The following MYCBP2 variants were observed in gnomAD, a reference collection of about 807,000 sequenced individuals.
MYCBP2 encodes the protein MYC binding protein 2, also known as E3 ubiquitin-protein ligase MYCBP2.
A neutral mutation model predicts 525.3 loss-of-function variants in MYCBP2; 120 were observed. The observed-to-expected ratio is 0.23, with a 90% CI of 0.20 to 0.27. MYCBP2 has a LOEUF of 0.27. MYCBP2 is among the 10% of genes least tolerant of loss of function. The probability of loss-of-function intolerance (pLI) is 1.00; values close to 1 mark genes in which losing one functional copy is unlikely to be tolerated. For missense variants in MYCBP2, 4,149 were observed against 5,657.1 expected, an observed-to-expected ratio of 0.73 and a Z score of 8.55; for synonymous variants, 1,894 against 1,955.8, an observed-to-expected ratio of 0.97 and a Z score of 0.83.
chr13:77,158,164 T>C lies in MYCBP2; in HGVS notation c.6598-55A>G, dbSNP rs1294316626. The C allele has an allele frequency of 1.8e-5, 23 of 1,250,606 alleles. No homozygotes were observed. The East Asian group carries it at 6.3e-4, about 34-fold the overall frequency. The allele number at this position is 1,250,606 out of a possible 1,614,324, so 77.5% of individuals were successfully genotyped here. A position where few individuals can be genotyped will look rare whatever the true frequency, so the allele number is the denominator to read the frequency against. On this transcript the variant is annotated intron_variant, in intron 44 of 82. Coordinates refer to ENST00000544440, the MANE Select transcript of MYCBP2 (RefSeq NM_015057.5). ...TCTTAAAAATAAAACTTTAATTACA[T>C]AAAATTTTTCAACATGCAGATACTT... is the stretch of plus-strand genomic sequence containing the variant.
At chr13:77,148,487 G>A (rs568990224) in intron 47 of MYCBP2, among the ~76,000 whole-genome samples, 17 of 151,496 alleles carry the variant, frequency 1.1e-4, no homozygotes, top group Admixed American at 3.3e-4. Flanking sequence ...CTACTTTGAC[G>A]TCTAGTCCCT....
intron 43 of MYCBP2, among the ~76,000 whole-genome samples, chr13:77,163,521 ATG>A (rs1269318812): frequency 6.6e-6 from 1 of 152,184 alleles, no homozygotes; most frequent in Non-Finnish European, 1.5e-5. Flanking sequence ...ACTTTAAACC[ATG>A]TATAAATATT....
Position 77,166,532 on chromosome 13 carries a change from C to T in MYCBP2, c.6137G>A (p.Arg2046Lys), listed in dbSNP as rs774882841. Residue 2046 changes from arginine (R) to lysine (K), a missense_variant, in exon 41 of 83, where the codon AGG (arginine) becomes AAG (lysine). Physicochemically the swap from Arg to Lys is conservative, Grantham distance 26. Around this residue, in one of 21 missense-constraint regions of MYCBP2, gnomAD observed 692 missense variants for 852.7 expected, o/e 0.81. Coordinates refer to ENST00000544440, the MANE Select transcript of MYCBP2 (RefSeq NM_015057.5). ...HYKVTFPECV[R>K]WMTIEFDPQC... Reference sequence around the variant, plus strand: ...AGGGTCAAATTCGATTGTCATCCACCTCACACATTCTGGGAATGTCACCTG... The same window carrying T: ...AGGGTCAAATTCGATTGTCATCCACTTCACACATTCTGGGAATGTCACCTG... 26 of 1,612,330 alleles carry T rather than the reference C, an allele frequency of 1.6e-5. No individual in the cohort carries two copies. Among genetic ancestry groups the T allele is most frequent in the Non-Finnish European group, 2.2e-5 (26 of 1,179,178 alleles).
At chr13:77,305,948 G>C (rs1204279402) in intron 1 of MYCBP2, among the ~76,000 whole-genome samples, 2 of 152,048 alleles carry the variant, frequency 1.3e-5, no homozygotes, top group Non-Finnish European at 2.9e-5. Context: ...ACTGAATGTT[G>C]AAAAATTAAG....
At chr13:77,147,334 TA>T (rs552138347) in intron 47 of MYCBP2, among the ~76,000 whole-genome samples, 1 of 151,862 alleles carries the variant, frequency 6.6e-6, no homozygotes, top group South Asian at 2.1e-4. Flanking sequence ...TGTTTCTTAA[TA>T]AAAAAATAAC....
At chr13:77,056,669 G>A (rs909682950) in intron 79 of MYCBP2, among the ~76,000 whole-genome samples, 1 of 152,144 alleles carries the variant, frequency 6.6e-6, no homozygotes, top group African/African-American at 2.4e-5. Flanking sequence ...TTTGGTAGCC[G>A]TTGTCATGTT....
intron 24 of MYCBP2, 62 bp downstream of exon 24, chr13:77,206,591 A>C: frequency 7.2e-7 from 1 of 1,393,212 alleles, no homozygotes; most frequent in Non-Finnish European, 9.5e-7. Flanking sequence ...AAATACTCTA[A>C]AAAAAAACCC....
intron 1 of MYCBP2, among the ~76,000 whole-genome samples, chr13:77,303,270 T>C (rs1291630070): frequency 1.3e-5 from 2 of 152,138 alleles, no homozygotes; most frequent in African/African-American, 4.8e-5. Flanking sequence ...GAGGTGGCGG[T>C]TGCAGTGTGC....
intron 50 of MYCBP2, 148 bp downstream of exon 50, chr13:77,140,698 A>G (rs2054476753): frequency 1.4e-6 from 1 of 695,502 alleles, no homozygotes; most frequent in Non-Finnish European, 2.5e-6. Context: ...AAATATTACC[A>G]TGAACTACTC....
At chr13:77,067,556 T>A (rs769105339) in intron 71 of MYCBP2, 25 bp downstream of exon 71, 1 of 1,609,302 alleles carries the variant, frequency 6.2e-7, no homozygotes, top group South Asian at 1.1e-5. Context: ...TCTGTTTTGG[T>A]ACTAAAATAG....
chr13:77,160,248 T>C (rs531886898), intron 44 of MYCBP2, among the ~76,000 whole-genome samples: 2 of 152,232 alleles, frequency 1.3e-5, no homozygotes, highest in South Asian at 2.1e-4. Context: ...ACGGGGTTTC[T>C]TTTGTCACCA....
intron 40 of MYCBP2, among the ~76,000 whole-genome samples, chr13:77,166,976 TACACACACACACACAC>T (rs539593054): frequency 1.5e-4 from 19 of 127,140 alleles, no homozygotes; most frequent in South Asian, 5.3e-4. Flanking sequence ...AACACACACA[TACACACACACACACAC>T]ACACACACAC....
chr13:77,277,058 A>G (rs190568766), intron 4 of MYCBP2, among the ~76,000 whole-genome samples: 1 of 152,292 alleles, frequency 6.6e-6, no homozygotes, highest in East Asian at 1.9e-4. Flanking sequence ...AAGGAAAGAA[A>G]GTATGTACAG....
chr13:77,168,231 T>C (rs2058743947), intron 40 of MYCBP2, among the ~76,000 whole-genome samples, 197 bp downstream of exon 40: 1 of 152,186 alleles, frequency 6.6e-6, no homozygotes, highest in Non-Finnish European at 1.5e-5. Flanking sequence ...CAATAAAATT[T>C]TATCATCTTT....
At chr13:77,190,398 G>C in intron 28 of MYCBP2, 63 bp from the exon 29 acceptor site, 1 of 975,246 alleles carries the variant, frequency 1.0e-6, no homozygotes, top group Admixed American at 2.1e-5. Context: ...AGAAATTTAA[G>C]AAACATGTTT....
At position 77,081,047 on chromosome 13, in the gene MYCBP2, G is replaced by A. The variant is rs998611002; in HGVS notation, c.11418+380C>T. On this transcript the variant is annotated intron_variant, in intron 65 of 82. Coordinates refer to ENST00000544440, the MANE Select transcript of MYCBP2 (RefSeq NM_015057.5). The surrounding 1 kb of genome is among the most constrained non-coding windows in gnomAD (Gnocchi z 4.6). Reference sequence around the variant, plus strand: ...AGAGGGAAAGAGTAATTTTTTAGAGGAGTTACTTAGAATTTCTCTGCTGAG... The same window carrying A: ...AGAGGGAAAGAGTAATTTTTTAGAGAAGTTACTTAGAATTTCTCTGCTGAG... 1.1e-5 allele frequency: 2 copies of A among 174,856 alleles called. No individual in the cohort carries two copies. Among genetic ancestry groups the A allele is most frequent in the East Asian group, 1.6e-4 (1 of 6,376 alleles). 10.8% of individuals were successfully genotyped at this position (174,856 alleles called of 1,614,324 possible).
Position 77,208,490 on chromosome 13 carries a change from C to T in MYCBP2, c.3417-1665G>A, listed in dbSNP as rs138270620. Among the ~76,000 whole-genome samples the T allele has an allele frequency of 1.9e-4, 29 of 152,220 alleles. No individual in the cohort carries two copies. In the East Asian group the frequency reaches 5.6e-3, roughly 29 times the overall value. ...TCTAAAATGTTCACTGATGGGCAAA[C>T]AGTTAAGTATATTTGGTATACCCAG... is the stretch of plus-strand genomic sequence containing the variant. On this transcript the variant is annotated intron_variant, in intron 23 of 82. Transcript: ENST00000544440.
At chr13:77,116,109 T>C (rs76712682) in intron 55 of MYCBP2, among the ~76,000 whole-genome samples, 7,298 of 151,928 alleles carry the variant, frequency 0.048, 254 homozygotes, top group South Asian at 0.096. Flanking sequence ...TCCTTCTCTG[T>C]AAAACAGACA....
intron 9 of MYCBP2, 40 bp from the exon 10 acceptor site, chr13:77,263,829 A>G (rs2073687281): frequency 6.2e-7 from 1 of 1,611,676 alleles, no homozygotes; most frequent in Admixed American, 1.7e-5. Context: ...CATTACATAA[A>G]GAGGTCGTTC....
Sources: allele counts gnomAD v4.1 joint callset (sites outside exome capture counted in the v4.1 genomes callset), GRCh38; gene constraint gnomAD v4.1.1; regional missense constraint gnomAD v4.1.1; non-coding constraint Gnocchi (gnomAD v3.1); transcripts MANE v1.5; gene names NCBI Gene and HGNC (gene_info 2026-07-23, HGNC 2026-07-21).